DCAF10: variants seen among roughly 807,000 people sequenced by gnomAD.
DCAF10 encodes the protein DDB1 and CUL4 associated factor 10, also known as DDB1- and CUL4-associated factor 10.
In DCAF10, 19 loss-of-function variants were observed where a neutral mutation model predicts 51.9. That is an observed-to-expected ratio of 0.37 (90% CI 0.26 to 0.54). The LOEUF (loss-of-function observed/expected upper bound fraction) is 0.54. Ranked by LOEUF, DCAF10 falls within the 20% of genes least tolerant of loss-of-function variation. The pLI is 0.87. For missense variants in DCAF10, 510 were observed against 730.6 expected, an observed-to-expected ratio of 0.70 and a Z score of 3.48; for synonymous variants, 291 against 297.1, an observed-to-expected ratio of 0.98 and a Z score of 0.21.
At chr9:37,840,662 A>G (rs996749302) in intron 2 of DCAF10, among the ~76,000 whole-genome samples, 11 of 152,324 alleles carry the variant, frequency 7.2e-5, no homozygotes, top group Middle Eastern at 3.4e-3. Context: ...TTTATTACTG[A>G]TGAAAAATTT....
At chr9:37,811,230 G>A (rs1327028245) in intron 1 of DCAF10, among the ~76,000 whole-genome samples, 4 of 152,132 alleles carry the variant, frequency 2.6e-5, no homozygotes, top group African/African-American at 7.2e-5. Flanking sequence ...TACTCTGGAG[G>A]CTGAGGTGGG....
chr9:37,801,319 C>T lies in DCAF10; in HGVS notation c.453C>T (p.Leu151=). The change falls in exon 1 of 7, where the codon CTC becomes CTT. Residue 151 remains leucine, a synonymous_variant. Coordinates refer to ENST00000377724, the MANE Select transcript of DCAF10 (RefSeq NM_024345.5). The surrounding 1 kb of genome is among the most constrained non-coding windows in gnomAD (Gnocchi z 5.5). ...ARDNFRTMTS[L]YGSIHPADSV... Reference sequence around the variant, plus strand: ...ACAATTTTCGCACCATGACTAGCCTCTACGGTTCCATCCACCCCGCGGACT... The same window carrying T: ...ACAATTTTCGCACCATGACTAGCCTTTACGGTTCCATCCACCCCGCGGACT... 1 of 1,593,550 alleles carries T rather than the reference C, an allele frequency of 6.3e-7. No homozygotes were observed. Among genetic ancestry groups the T allele is most frequent in the South Asian group, 1.1e-5 (1 of 88,132 alleles).
chr9:37,817,141 C>T (rs997319117), intron 1 of DCAF10, among the ~76,000 whole-genome samples: 6 of 152,046 alleles, frequency 3.9e-5, no homozygotes, highest in African/African-American at 1.2e-4. Flanking sequence ...GATATTGGGA[C>T]AAATTGTGTA....
intron 2 of DCAF10, among the ~76,000 whole-genome samples, chr9:37,834,805 T>TTTTTTTTTTG (rs1830105599): frequency 6.6e-6 from 1 of 152,028 alleles, no homozygotes; most frequent in African/African-American, 2.4e-5. Flanking sequence ...TTTTTTTTTT[T>TTTTTTTTTTG]GAGACAGGGT....
chr9:37,826,707 T>C (rs1829861431), intron 2 of DCAF10, among the ~76,000 whole-genome samples: 1 of 152,136 alleles, frequency 6.6e-6, no homozygotes, highest in South Asian at 2.1e-4. Context: ...CTGTGCCACA[T>C]GTATGAGATT....
chr9:37,800,717 C>T (rs981315627), upstream of DCAF10: 2 of 1,535,624 alleles, frequency 1.3e-6, no homozygotes, highest in Non-Finnish European at 1.7e-6. Context: ...CTCAGCTTTC[C>T]CGGTCCCCGG....
Position 37,842,797 on chromosome 9 carries a change from A to G in DCAF10, c.851+511A>G, listed in dbSNP as rs1485577246. Among the ~76,000 whole-genome samples the G allele has an allele frequency of 2.0e-5, 3 of 152,094 alleles. No homozygotes were observed. The East Asian group carries it at 5.8e-4, about 29-fold the overall frequency. On this transcript the variant is annotated intron_variant, in intron 3 of 6. Transcript: ENST00000377724. ...AGTCAGCAAGGACCAGAGTTTCTAA[A>G]CCTCCTGCAGTACACAGGTCAGTGT...
At chr9:37,811,274 G>C (rs1014057381) in intron 1 of DCAF10, among the ~76,000 whole-genome samples, 2 of 149,868 alleles carry the variant, frequency 1.3e-5, no homozygotes, top group African/African-American at 4.9e-5. Context: ...TGAGGTTACA[G>C]TGAGCTATAA....
rs113465990 is a variant in DCAF10, at chr9:37,865,590, T to C, written c.*4082T>C. 3 of 152,188 alleles carry C rather than the reference T, an allele frequency of 2.0e-5. No homozygotes were observed. The highest frequency in any genetic ancestry group is 4.4e-5 in the Non-Finnish European group (3 of 68,016). 9.4% of individuals were successfully genotyped at this position (152,188 alleles called of 1,614,324 possible). A position where few individuals can be genotyped will look rare whatever the true frequency, so the allele number is the denominator to read the frequency against. Reference sequence around the variant, plus strand: ...CAAATTGTTCTACTGTTTTAAAAAGTTTTCCGCAGAACAGTGCATTTATGG... The same window carrying C: ...CAAATTGTTCTACTGTTTTAAAAAGCTTTCCGCAGAACAGTGCATTTATGG... On this transcript the variant is annotated 3_prime_UTR_variant, in exon 7 of 7. Coordinates refer to ENST00000377724, the MANE Select transcript of DCAF10 (RefSeq NM_024345.5).
intron 1 of DCAF10, 22 bp from the exon 2 acceptor site, chr9:37,819,266 T>TA: frequency 6.3e-7 from 1 of 1,581,316 alleles, no homozygotes; most frequent in Non-Finnish European, 8.7e-7. Context: ...CTAAACAAGA[T>TA]AAATGTGTCA....
intron 1 of DCAF10, among the ~76,000 whole-genome samples, chr9:37,808,300 C>T (rs1829185993): frequency 6.6e-6 from 1 of 151,066 alleles, no homozygotes; most frequent in East Asian, 2.0e-4. Context: ...CCTAGCTACT[C>T]AGGAGGCTGA....
chr9:37,826,432 G>A (rs1381316654), intron 2 of DCAF10, among the ~76,000 whole-genome samples: 2 of 152,228 alleles, frequency 1.3e-5, no homozygotes, highest in Non-Finnish European at 2.9e-5. Context: ...ATGGCTGATG[G>A]GGTGTGGATG....
intron 1 of DCAF10, among the ~76,000 whole-genome samples, chr9:37,817,443 C>T (rs903998216): frequency 7.9e-5 from 12 of 151,932 alleles, no homozygotes; most frequent in Non-Finnish European, 1.3e-4. Flanking sequence ...ATTAAAAATA[C>T]AAAAATTAGT....
intron 2 of DCAF10, among the ~76,000 whole-genome samples, chr9:37,830,571 A>G (rs1311384654): frequency 6.6e-6 from 1 of 152,252 alleles, no homozygotes; most frequent in Non-Finnish European, 1.5e-5. Flanking sequence ...GGGATATACA[A>G]GGCACTTCAA....
chr9:37,823,679 T>C (rs1211901239), intron 2 of DCAF10, among the ~76,000 whole-genome samples: 1 of 152,122 alleles, frequency 6.6e-6, no homozygotes, highest in South Asian at 2.1e-4. Flanking sequence ...TAATCACATA[T>C]GTAATTTTTA....
Position 37,801,307 on chromosome 9 carries a change from C to A in DCAF10, c.441C>A (p.Thr147=). The change falls in exon 1 of 7, where the codon ACC becomes ACA. Residue 147 remains threonine (T), a synonymous_variant. Transcript: ENST00000377724. This position sits in a 1 kb window ranked among gnomAD's most constrained non-coding sequence, Gnocchi z 5.5. Reference sequence around the variant, plus strand: ...ACCCGGCGCGGGACAATTTTCGCACCATGACTAGCCTCTACGGTTCCATCC... The same window carrying A: ...ACCCGGCGCGGGACAATTTTCGCACAATGACTAGCCTCTACGGTTCCATCC... ...FVDPARDNFR[T]MTSLYGSIHP... is the part of the protein sequence containing the mutation. The A allele has an allele frequency of 6.3e-7, 1 of 1,597,426 alleles. No homozygotes were observed. The highest frequency in any genetic ancestry group is 8.5e-7 in the Non-Finnish European group (1 of 1,174,596).
chr9:37,858,523 A>G (rs1830917698), intron 5 of DCAF10: 1 of 152,230 alleles, frequency 6.6e-6, no homozygotes, highest in Non-Finnish European at 1.5e-5. Flanking sequence ...GACCAGTGGT[A>G]AACACACAAA....
At chr9:37,823,826 T>C (rs915754121) in intron 2 of DCAF10, among the ~76,000 whole-genome samples, 4 of 152,020 alleles carry the variant, frequency 2.6e-5, no homozygotes, top group Admixed American at 6.6e-5. Context: ...ACTTTCATTT[T>C]TTTCATGCTT....
intron 1 of DCAF10, among the ~76,000 whole-genome samples, chr9:37,811,705 G>T (rs1178783918): frequency 6.6e-6 from 1 of 151,926 alleles, no homozygotes; most frequent in Non-Finnish European, 1.5e-5. Context: ...TACCAAAATG[G>T]GACATAGAGA....
Sources: allele counts gnomAD v4.1 joint callset (sites outside exome capture counted in the v4.1 genomes callset), GRCh38; gene constraint gnomAD v4.1.1; non-coding constraint Gnocchi (gnomAD v3.1); transcripts MANE v1.5; gene names NCBI Gene and HGNC (gene_info 2026-07-23, HGNC 2026-07-21).